Variants in DOK6 observed in about 807,000 individuals in gnomAD.
DOK6 encodes downstream of tyrosine kinase 6.
Under a neutral mutation model 44.0 loss-of-function variants are expected in DOK6, and 22 were observed. The ratio of observed to expected loss-of-function variants is 0.50; its 90% CI spans 0.36 to 0.71. The LOEUF is 0.71. DOK6 is among the 30% of genes least tolerant of loss of function. The pLI is 0.00. For synonymous variants in DOK6, 166 were observed against 145.5 expected, an observed-to-expected ratio of 1.14 and a Z score of -1.01; for missense variants, 340 against 416.4, an observed-to-expected ratio of 0.82 and a Z score of 1.60.
At chr18:69,623,929 A>G (rs1006058396) in intron 3 of DOK6, among the ~76,000 whole-genome samples, 2 of 152,170 alleles carry the variant, frequency 1.3e-5, no homozygotes, top group Non-Finnish European at 2.9e-5. Flanking sequence ...CTGTGCAGAA[A>G]GGAGTAATTT....
chr18:69,730,618 G>GAA (rs141121840), intron 5 of DOK6, among the ~76,000 whole-genome samples: 2,728 of 152,214 alleles, frequency 0.018, 70 homozygotes, highest in African/African-American at 0.062. Flanking sequence ...ATTGTTTTAA[G>GAA]AAATACAATC....
chr18:69,698,412 A>C lies in DOK6; in HGVS notation c.418A>C (p.Asn140His), dbSNP rs1274817573. Residue 140 changes from asparagine (N) to histidine (H), a missense_variant, in exon 5 of 8, where the codon AAC (asparagine) becomes CAC (histidine). This residue lies in a region of DOK6 where 206 missense variants were observed against 258.6 expected (regional missense o/e 0.80). Coordinates refer to ENST00000382713, the MANE Select transcript of DOK6 (RefSeq NM_152721.6). Reference sequence around the variant, plus strand: ...TCTTCGTCTCTTCACAGAGAGATTCAACGTGTATCTTATGCCTACACCAAA... The same window carrying C: ...TCTTCGTCTCTTCACAGAGAGATTCCACGTGTATCTTATGCCTACACCAAA... ...GVQREQNERF[N>H]VYLMPTPNLD... 6.2e-7 allele frequency: 1 copy of C among 1,611,384 alleles called. No individual in the cohort carries two copies. Among genetic ancestry groups the C allele is most frequent in the Non-Finnish European group, 8.5e-7 (1 of 1,178,602 alleles).
chr18:69,507,318 T>C lies in DOK6; in HGVS notation c.67-57169T>C, dbSNP rs182985224. 6.6e-3 allele frequency among the ~76,000 whole-genome samples: 1,012 copies of C among 152,266 alleles called. 5 individuals are homozygous for C. Among genetic ancestry groups the C allele is most frequent in the South Asian group, 0.022 (106 of 4,824 alleles). On this transcript the variant is annotated intron_variant, in intron 1 of 7. Coordinates refer to ENST00000382713, the MANE Select transcript of DOK6 (RefSeq NM_152721.6). ...CTGGGATTACAGGCGTGAGCCACCG[T>C]GCCCAGCCGGTAATTATAGTTTTAA...
intron 7 of DOK6, among the ~76,000 whole-genome samples, chr18:69,772,915 G>A (rs1285470243): frequency 1.3e-5 from 2 of 151,970 alleles, no homozygotes; most frequent in Non-Finnish European, 2.9e-5. Context: ...CCTGTGGAAT[G>A]GAAGAAAATA....
intron 1 of DOK6, among the ~76,000 whole-genome samples, chr18:69,429,383 G>A (rs898734835): frequency 1.3e-5 from 2 of 151,772 alleles, no homozygotes; most frequent in African/African-American, 4.8e-5. Context: ...TAAATGTTAA[G>A]ATGATCTAAA....
At chr18:69,408,660 T>C (rs551189443) in intron 1 of DOK6, among the ~76,000 whole-genome samples, 1 of 152,264 alleles carries the variant, frequency 6.6e-6, no homozygotes, top group South Asian at 2.1e-4. Flanking sequence ...ACTGTACAGA[T>C]TAATGGGGAT....
chr18:69,593,117 C>T (rs1471902328), intron 2 of DOK6, among the ~76,000 whole-genome samples: 3 of 152,206 alleles, frequency 2.0e-5, no homozygotes, highest in Non-Finnish European at 4.4e-5. Flanking sequence ...GTAATCCCAA[C>T]ACTCTGGGAG....
intron 5 of DOK6, among the ~76,000 whole-genome samples, chr18:69,708,148 C>T (rs1251491075): frequency 1.3e-5 from 2 of 152,120 alleles, no homozygotes; most frequent in Non-Finnish European, 2.9e-5. Context: ...ATCTTACAGG[C>T]AGCAAGGAGT....
chr18:69,479,132 G>A (rs1980349670), intron 1 of DOK6, among the ~76,000 whole-genome samples: 2 of 152,098 alleles, frequency 1.3e-5, no homozygotes, highest in Non-Finnish European at 2.9e-5. Context: ...CTGTTCTCGG[G>A]AACTAGTGGT....
At chr18:69,584,954 T>C (rs942743178) in intron 2 of DOK6, among the ~76,000 whole-genome samples, 7 of 152,182 alleles carry the variant, frequency 4.6e-5, no homozygotes, top group African/African-American at 1.7e-4. Context: ...TCCTACCTTC[T>C]TTCATCTAGC....
intron 4 of DOK6, among the ~76,000 whole-genome samples, chr18:69,690,787 A>G: frequency 6.6e-6 from 1 of 152,324 alleles, no homozygotes; most frequent in East Asian, 1.9e-4. Context: ...AACACTTAAT[A>G]TTAGACTAAT....
At chr18:69,502,928 G>A (rs1032221384) in intron 1 of DOK6, among the ~76,000 whole-genome samples, 45 of 152,028 alleles carry the variant, frequency 3.0e-4, no homozygotes, top group African/African-American at 7.2e-4. Flanking sequence ...AGATGGAGCC[G>A]TTACATTTAT....
chr18:69,419,942 C>T (rs1037323131), intron 1 of DOK6, among the ~76,000 whole-genome samples: 1 of 152,148 alleles, frequency 6.6e-6, no homozygotes, highest in Non-Finnish European at 1.5e-5. Context: ...TCAGCAATAT[C>T]AATTGATTGC....
At chr18:69,598,150 T>C (rs9966891) in intron 2 of DOK6, among the ~76,000 whole-genome samples, 61,227 of 151,674 alleles carry the variant, frequency 0.4, 12,504 homozygotes, top group Middle Eastern at 0.53. Flanking sequence ...CTTGCTAAAC[T>C]AACCACACTT....
intron 1 of DOK6, among the ~76,000 whole-genome samples, chr18:69,470,508 G>T (rs993825325): frequency 6.6e-6 from 1 of 152,112 alleles, no homozygotes. Flanking sequence ...AGCTGAGGAT[G>T]CCCTGGCCCT....
chr18:69,832,575 T>C (rs1981932640), intron 7 of DOK6: 1 of 152,096 alleles, frequency 6.6e-6, no homozygotes, highest in African/African-American at 2.4e-5. Flanking sequence ...CCTCTTCAAT[T>C]TTTTGAAATA....
At chr18:69,608,293 A>G (rs1284461226) in intron 3 of DOK6, among the ~76,000 whole-genome samples, 2 of 152,058 alleles carry the variant, frequency 1.3e-5, no homozygotes, top group Admixed American at 1.3e-4. Flanking sequence ...TGTTCTTGGC[A>G]CCCCTGTTAA....
At chr18:69,506,466 G>A (rs1981189063) in intron 1 of DOK6, among the ~76,000 whole-genome samples, 1 of 151,974 alleles carries the variant, frequency 6.6e-6, no homozygotes, top group African/African-American at 2.4e-5. Context: ...CTGTAGTTTT[G>A]CCTTTGTAAG....
intron 1 of DOK6, among the ~76,000 whole-genome samples, chr18:69,402,635 A>G (rs1916125292): frequency 6.6e-6 from 1 of 152,168 alleles, no homozygotes; most frequent in African/African-American, 2.4e-5. Context: ...CTGTACCCCA[A>G]GGACAACAGG....
Sources: allele counts gnomAD v4.1 joint callset (sites outside exome capture counted in the v4.1 genomes callset), GRCh38; gene constraint gnomAD v4.1.1; regional missense constraint gnomAD v4.1.1; transcripts MANE v1.5; gene names NCBI Gene and HGNC (gene_info 2026-07-23, HGNC 2026-07-21).